The following RCL1 variants were observed in gnomAD, a reference collection of about 807,000 sequenced individuals.
RCL1 encodes the protein RNA terminal phosphate cyclase like 1, also known as RNA 3'-terminal phosphate cyclase-like protein.
A neutral mutation model predicts 42.4 loss-of-function variants in RCL1; 24 were observed. That is an observed-to-expected ratio of 0.57 (90% CI 0.41 to 0.80). RCL1 has a LOEUF of 0.80. Among genes scored for constraint, RCL1 ranks in the 30% least tolerant of loss-of-function variants. RCL1 has a pLI of 0.00. For missense variants in RCL1, 578 were observed against 467.9 expected (o/e 1.24, Z -2.17); for synonymous variants, 228 against 177.3 (o/e 1.29, Z -2.27).
At chr9:4,795,490 C>T (rs114035462) in intron 1 of RCL1, among the ~76,000 whole-genome samples, 1,624 of 152,216 alleles carry the variant, frequency 0.011, 34 homozygotes, top group African/African-American at 0.037. Flanking sequence ...TATACATATA[C>T]GTGCACGCAT....
At chr9:4,859,692 T>C (rs56859468) in intron 8 of RCL1, among the ~76,000 whole-genome samples, 2,686 of 152,266 alleles carry the variant, frequency 0.018, 79 homozygotes, top group African/African-American at 0.062. Context: ...CTAAGCCAGG[T>C]ACATTGGGAC....
intron 8 of RCL1, among the ~76,000 whole-genome samples, chr9:4,855,432 G>A (rs1218112487): frequency 1.3e-5 from 2 of 152,120 alleles, no homozygotes; most frequent in Non-Finnish European, 2.9e-5. Flanking sequence ...TAGTGCTGTG[G>A]AAGAGAGGGG....
intron 1 of RCL1, among the ~76,000 whole-genome samples, chr9:4,808,199 T>C (rs575953223): frequency 3.3e-4 from 50 of 152,366 alleles, no homozygotes; most frequent in Non-Finnish European, 6.5e-4. Flanking sequence ...AATTTTTCTT[T>C]GCATATTTTA....
intron 1 of RCL1, among the ~76,000 whole-genome samples, chr9:4,797,831 C>T (rs1424193548): frequency 6.6e-6 from 1 of 152,060 alleles, no homozygotes; most frequent in Non-Finnish European, 1.5e-5. Context: ...AAAACTGTCC[C>T]CTTCCATTGC....
chr9:4,820,654 T>C (rs1036262479), intron 1 of RCL1, among the ~76,000 whole-genome samples: 1 of 152,226 alleles, frequency 6.6e-6, no homozygotes, highest in East Asian at 1.9e-4. Flanking sequence ...TGCTTGTTCC[T>C]CTATCCCATT....
intron 3 of RCL1, among the ~76,000 whole-genome samples, chr9:4,830,979 C>G (rs1015635170): frequency 6.6e-6 from 1 of 152,150 alleles, no homozygotes; most frequent in African/African-American, 2.4e-5. Flanking sequence ...TCTGCTAAAA[C>G]TAGAATGTGC....
chr9:4,859,628 G>C (rs916022956), intron 8 of RCL1, among the ~76,000 whole-genome samples: 1 of 152,100 alleles, frequency 6.6e-6, no homozygotes, highest in African/African-American at 2.4e-5. Context: ...ATGGTGCTGT[G>C]AATCATGGAA....
chr9:4,817,840 T>G (rs1816439729), intron 1 of RCL1, among the ~76,000 whole-genome samples: 1 of 151,858 alleles, frequency 6.6e-6, no homozygotes, highest in Non-Finnish European at 1.5e-5. Flanking sequence ...ATTATCATTT[T>G]TCTTTACTGT....
chr9:4,801,663 T>C (rs1443179740), intron 1 of RCL1, among the ~76,000 whole-genome samples: 5 of 152,050 alleles, frequency 3.3e-5, no homozygotes, highest in African/African-American at 1.2e-4. Context: ...GTGCTTTTAG[T>C]GTTAAGTCTA....
At chr9:4,809,123 A>G (rs1044793975) in intron 1 of RCL1, among the ~76,000 whole-genome samples, 1 of 151,830 alleles carries the variant, frequency 6.6e-6, no homozygotes, top group Non-Finnish European at 1.5e-5. Context: ...TTTAATGGCT[A>G]CAGACTGTTC....
intron 1 of RCL1, among the ~76,000 whole-genome samples, chr9:4,807,738 C>G (rs535895957): frequency 7.2e-5 from 11 of 152,254 alleles, no homozygotes; most frequent in African/African-American, 2.6e-4. Flanking sequence ...AGGTTGGCCT[C>G]AAACTCCTGA....
At chr9:4,803,365 A>G (rs1256337262) in intron 1 of RCL1, among the ~76,000 whole-genome samples, 1 of 152,182 alleles carries the variant, frequency 6.6e-6, no homozygotes, top group South Asian at 2.1e-4. Flanking sequence ...CATCATAATA[A>G]TGATTTTTAG....
intron 8 of RCL1, among the ~76,000 whole-genome samples, chr9:4,856,863 A>G (rs1409773370): frequency 6.6e-6 from 1 of 152,170 alleles, no homozygotes; most frequent in Non-Finnish European, 1.5e-5. Context: ...TGCGCTGGTC[A>G]CTTCAGCCAC....
chr9:4,823,882 A>G (rs913826216), intron 2 of RCL1, among the ~76,000 whole-genome samples: 1 of 132,196 alleles, frequency 7.6e-6, no homozygotes, highest in African/African-American at 2.8e-5. Flanking sequence ...AGTGTAGATC[A>G]TAATAAAAGC....
intron 5 of RCL1, 42 bp from the exon 6 acceptor site, chr9:4,841,190 C>T (rs755132719): frequency 9.3e-6 from 15 of 1,612,552 alleles, no homozygotes; most frequent in Non-Finnish European, 1.3e-5. Context: ...TTTCTCTGTC[C>T]TGGAATTCAA....
intron 8 of RCL1, among the ~76,000 whole-genome samples, chr9:4,855,831 C>G (rs1817941036): frequency 2.0e-5 from 3 of 152,176 alleles, no homozygotes; most frequent in Admixed American, 2.0e-4. Flanking sequence ...CTTTTTCTAA[C>G]TGTTCCAAAG....
intron 1 of RCL1, among the ~76,000 whole-genome samples, chr9:4,808,455 G>A (rs561255432): frequency 3.7e-4 from 57 of 152,062 alleles, no homozygotes; most frequent in Non-Finnish European, 7.1e-4. Context: ...CTATAGGTGT[G>A]CGCCATTATG....
chr9:4,836,503 A>G (rs1006241932), intron 5 of RCL1, among the ~76,000 whole-genome samples: 1 of 152,072 alleles, frequency 6.6e-6, no homozygotes, highest in African/African-American at 2.4e-5. Context: ...GGGATTTCAG[A>G]TATTAAAAGT....
intron 3 of RCL1, among the ~76,000 whole-genome samples, chr9:4,829,179 G>C (rs1202037491): frequency 6.6e-6 from 1 of 152,226 alleles, no homozygotes; most frequent in African/African-American, 2.4e-5. Context: ...AGTGCTTAGT[G>C]TTAGAGAGCG....
Sources: gnomAD v4.1 joint callset for allele counts (sites outside exome capture counted in the v4.1 genomes callset) on GRCh38, gnomAD v4.1.1 for gene constraint, MANE v1.5 for transcripts, NCBI Gene and HGNC (gene_info 2026-07-23, HGNC 2026-07-21) for gene names.